Variants in EPHB2 observed in about 807,000 individuals in gnomAD.
The protein encoded by EPHB2 is EPH receptor B2, also known as ephrin type-B receptor 2.
In EPHB2, 18 loss-of-function variants were observed where a neutral mutation model predicts 96.4. The ratio of observed to expected loss-of-function variants is 0.19; its 90% confidence interval spans 0.13 to 0.28. The LOEUF is 0.28. EPHB2 is among the 10% of genes least tolerant of loss of function. The pLI, the probability that EPHB2 is intolerant of heterozygous loss-of-function variation, is 1.00. For missense variants in EPHB2, 989 were observed against 1,355.4 expected (o/e 0.73, Z 4.25); for synonymous variants, 506 against 534.1 (o/e 0.95, Z 0.72).
At chr1:22,805,464 G>T (rs1394320991) in intron 3 of EPHB2, among the ~76,000 whole-genome samples, 3 of 152,086 alleles carry the variant, frequency 2.0e-5, no homozygotes, top group African/African-American at 7.2e-5. Flanking sequence ...CCTGACTCAG[G>T]CCCTCCCTTT....
In EPHB2 at chr1:22,919,932, C is replaced by T. The variant is rs898870599; in HGVS notation, c.*6362C>T. ...TCTTGAAATTTCGAGTCTCATTGTT[C>T]GTTGCTGTTCCCCAGACCTGTGGGC... On this transcript the variant is annotated 3_prime_UTR_variant, in exon 16 of 16. Coordinates refer to ENST00000374630, the MANE Select transcript of EPHB2 (RefSeq NM_017449.5). 4 of 151,954 alleles carry T rather than the reference C, an allele frequency of 2.6e-5. No homozygotes were observed. The highest frequency in any genetic ancestry group is 2.0e-4 in the Admixed American group (3 of 15,262). 9.4% of individuals were successfully genotyped at this position (151,954 alleles called of 1,614,324 possible).
At chr1:22,876,003 G>A (rs1359326254) in intron 5 of EPHB2, among the ~76,000 whole-genome samples, 1 of 152,184 alleles carries the variant, frequency 6.6e-6, no homozygotes, top group Non-Finnish European at 1.5e-5. Context: ...GAGAGAGGGG[G>A]CAGGCAGAGG....
intron 1 of EPHB2, among the ~76,000 whole-genome samples, chr1:22,729,588 A>G (rs564354513): frequency 1.3e-5 from 2 of 151,844 alleles, no homozygotes; most frequent in Admixed American, 1.3e-4. Context: ...GACTCTTCCC[A>G]CCACAGGGCC....
At position 22,918,390 on chromosome 1, in the gene EPHB2, G is replaced by A. The variant is rs909342236; in HGVS notation, c.*4820G>A. On this transcript the variant is annotated 3_prime_UTR_variant, in exon 16 of 16. Coordinates refer to ENST00000374630, the MANE Select transcript of EPHB2 (RefSeq NM_017449.5). The surrounding 1 kb of genome is among the most constrained non-coding windows in gnomAD (Gnocchi z 4.2). ...GGGGAGAAAGCTGCCAGACACCAAA[G>A]GAGCTGAGCCTGGCGGGGGCGGGCG... is the stretch of plus-strand genomic sequence containing the variant. 2.6e-5 allele frequency: 4 copies of A among 152,138 alleles called. No individual in the cohort carries two copies. The highest frequency in any genetic ancestry group is 9.7e-5 in the African/African-American group (4 of 41,410). 9.4% of individuals were successfully genotyped at this position (152,138 alleles called of 1,614,324 possible). A position where few individuals can be genotyped will look rare whatever the true frequency, so the allele number is the denominator to read the frequency against.
At position 22,791,180 on chromosome 1, in the gene EPHB2, C is replaced by CT. The variant is rs376108373; in HGVS notation, c.811+6115dup. 5.2e-3 allele frequency among the ~76,000 whole-genome samples: 764 copies of CT among 147,796 alleles called. 6 individuals are homozygous for CT. The highest frequency in any genetic ancestry group is 0.017 in the African/African-American group (680 of 40,568). On this transcript the variant is annotated intron_variant, in intron 3 of 15. Coordinates refer to ENST00000374630, the MANE Select transcript of EPHB2 (RefSeq NM_017449.5). ...TATGAACACTGTCTTTGCCTGTGAA[C>CT]TTTTTTTTTTTCCTGGTGAGCTTTT...
At position 22,880,825 on chromosome 1, in the gene EPHB2, C is replaced by T. The variant is rs868765483; in HGVS notation, c.1304-1534C>T. Among the ~76,000 whole-genome samples the T allele has an allele frequency of 7.4e-4, 112 of 152,366 alleles. 1 individual carries two copies. Among genetic ancestry groups the T allele is most frequent in the African/African-American group, 2.5e-3 (106 of 41,594 alleles). On this transcript the variant is annotated intron_variant, in intron 5 of 15. Transcript: ENST00000374630. ...AGAGGTGATGCTTTCTGGAGGTTTGCTCCATGTGAGAAGGAGGCAAAAGAC... is the reference window on the plus strand; with the variant it reads ...AGAGGTGATGCTTTCTGGAGGTTTGTTCCATGTGAGAAGGAGGCAAAAGAC...
intron 9 of EPHB2, among the ~76,000 whole-genome samples, chr1:22,905,227 G>A (rs1467063386): frequency 1.3e-5 from 2 of 152,186 alleles, no homozygotes; most frequent in East Asian, 3.9e-4. Flanking sequence ...AAGAGAGGGA[G>A]AACAAAAAAT....
Position 22,732,411 on chromosome 1 carries a change from TTCTC to T in EPHB2, c.61+21372_61+21375del, listed in dbSNP as rs1321185324. Reference sequence around the variant, plus strand: ...GGGGGCCGGAGGGCGGCTCTAACTCTTCTCTCTAATTTTTGAGAAAATCTTTACC... The same window carrying T: ...GGGGGCCGGAGGGCGGCTCTAACTCTTCTAATTTTTGAGAAAATCTTTACC... On this transcript the variant is annotated intron_variant, in intron 1 of 15. Transcript: ENST00000374630. 5.3e-5 allele frequency among the ~76,000 whole-genome samples: 8 copies of T among 152,190 alleles called. No individual in the cohort carries two copies. The South Asian group carries it at 6.2e-4, about 12-fold the overall frequency.
chr1:22,739,030 T>A (rs1316808862), intron 1 of EPHB2, among the ~76,000 whole-genome samples: 3 of 152,190 alleles, frequency 2.0e-5, no homozygotes, highest in Non-Finnish European at 4.4e-5. Flanking sequence ...ATTTTATTTT[T>A]AAAAATTATG....
intron 3 of EPHB2, among the ~76,000 whole-genome samples, chr1:22,842,642 C>T (rs1198739143): frequency 1.3e-5 from 2 of 152,176 alleles, no homozygotes; most frequent in African/African-American, 4.8e-5. Flanking sequence ...TTTCTGTGGC[C>T]ATGGGGCCCA....
In EPHB2 at chr1:22,876,763, C is replaced by G. The variant is rs564866469; in HGVS notation, c.1304-5596C>G. On this transcript the variant is annotated intron_variant, in intron 5 of 15. Transcript: ENST00000374630. The stretch of plus-strand genomic sequence containing the variant: ...AGGGGTGGGAGAGCATCCAGCTGTT[C>G]CCTTTTCTCCGCCGTTAATCCCCCT... Among the ~76,000 whole-genome samples, 6 of 152,328 alleles carry G rather than the reference C, an allele frequency of 3.9e-5. No individual in the cohort carries two copies. The South Asian group carries it at 1.2e-3, about 32-fold the overall frequency.
intron 3 of EPHB2, among the ~76,000 whole-genome samples, chr1:22,845,374 T>C (rs1479591401): frequency 1.3e-5 from 2 of 152,190 alleles, no homozygotes; most frequent in Admixed American, 6.5e-5. Flanking sequence ...CTGGCCGCTT[T>C]TGGAACTAAA....
rs141431678 is a variant in EPHB2, at chr1:22,840,017, C to T, written c.812-23020C>T. Among the ~76,000 whole-genome samples, 143 of 152,242 alleles carry T rather than the reference C, an allele frequency of 9.4e-4. 1 individual carries two copies. Among genetic ancestry groups the T allele is most frequent in the African/African-American group, 3.2e-3 (132 of 41,542 alleles). ...AGCTGGGACTTGAACGTAGCCCTGG[C>T]GCAGTGCCTGGCTGCTTCATTGTAA... is the stretch of plus-strand genomic sequence containing the variant. On this transcript the variant is annotated intron_variant, in intron 3 of 15. Transcript: ENST00000374630.
rs72870179 is a variant in EPHB2, at chr1:22,842,227, C to G, written c.812-20810C>G. Among the ~76,000 whole-genome samples the G allele has an allele frequency of 7.0e-4, 106 of 152,204 alleles. No individual in the cohort carries two copies. In the South Asian group the frequency reaches 7.9e-3, roughly 11 times the overall value. On this transcript the variant is annotated intron_variant, in intron 3 of 15. Transcript: ENST00000374630. ...TCCCAGAAGTCTAATTACTAGCTCT[C>G]GATGGGCAGCCAGCTCACTGATTGC... is the stretch of plus-strand genomic sequence containing the variant.
rs1391228541 is a variant in EPHB2 at position 22,890,709 on chromosome 1, G to A, written c.1429-2175G>A. ...CTGTTGTGAGAGGGACCTAGTAGGA[G>A]GTAATTGAATCACGGGGGTGGTTAC... On this transcript the variant is annotated intron_variant, in intron 6 of 15. Coordinates refer to ENST00000374630, the MANE Select transcript of EPHB2 (RefSeq NM_017449.5). 2.6e-5 allele frequency among the ~76,000 whole-genome samples: 4 copies of A among 152,166 alleles called. No individual in the cohort carries two copies. The East Asian group carries it at 7.7e-4, about 29-fold the overall frequency.
In EPHB2 at chr1:22,906,466, C is replaced by T. The variant is rs1639918096; in HGVS notation, c.1889-244C>T. Among the ~76,000 whole-genome samples, 1 of 152,162 alleles carries T rather than the reference C, an allele frequency of 6.6e-6. No homozygotes were observed. The highest frequency in any genetic ancestry group is 2.1e-4 in the South Asian group (1 of 4,832). On this transcript the variant is annotated intron_variant, in intron 10 of 15. Coordinates refer to ENST00000374630, the MANE Select transcript of EPHB2 (RefSeq NM_017449.5). The surrounding 1 kb of genome is among the most constrained non-coding windows in gnomAD (Gnocchi z 4.8). ...TCTCCCAGGTTCCCCTGCACCCTCA[C>T]CCCCATGCCCAGCCAGGGATAACCA...
At chr1:22,866,085 A>G (rs1208765001) in intron 5 of EPHB2, among the ~76,000 whole-genome samples, 1 of 152,124 alleles carries the variant, frequency 6.6e-6, no homozygotes, top group Non-Finnish European at 1.5e-5. Flanking sequence ...TAAGTCCTAG[A>G]GATGCTTCCC....
intron 3 of EPHB2, among the ~76,000 whole-genome samples, chr1:22,834,193 G>A (rs974109807): frequency 6.6e-6 from 1 of 152,144 alleles, no homozygotes; most frequent in African/African-American, 2.4e-5. Flanking sequence ...TAAGAGCCCT[G>A]CTCTCAACAA....
chr1:22,748,364 G>T (rs74632103), intron 1 of EPHB2, among the ~76,000 whole-genome samples: 1 of 151,348 alleles, frequency 6.6e-6, no homozygotes, highest in South Asian at 2.1e-4. Flanking sequence ...ACCTCAAGGG[G>T]GCTTTCTGGG....
Sources: allele counts gnomAD v4.1 joint callset (sites outside exome capture counted in the v4.1 genomes callset), GRCh38; gene constraint gnomAD v4.1.1; non-coding constraint Gnocchi (gnomAD v3.1); transcripts MANE v1.5; gene names NCBI Gene and HGNC (gene_info 2026-07-23, HGNC 2026-07-21).